BCKDHB: variants seen among roughly 807,000 people sequenced by gnomAD.
BCKDHB encodes 2-oxoisovalerate dehydrogenase subunit beta, mitochondrial.
In BCKDHB, 41 loss-of-function variants were observed where a neutral mutation model predicts 48.5. The observed-to-expected ratio is 0.85, with a 90% CI of 0.66 to 1.10. BCKDHB has a LOEUF of 1.10. Among genes scored for constraint, BCKDHB ranks in the 50% least tolerant of loss-of-function variants. The pLI is 0.00. For missense variants in BCKDHB, 496 were observed against 494.2 expected, an observed-to-expected ratio of 1.00 and a Z score of -0.03; for synonymous variants, 201 against 174.8, an observed-to-expected ratio of 1.15 and a Z score of -1.18.
intron 3 of BCKDHB, among the ~76,000 whole-genome samples, chr6:80,131,951 T>G (rs1418051496): frequency 6.6e-6 from 1 of 152,168 alleles, no homozygotes; most frequent in Admixed American, 6.6e-5. Context: ...ACCAAAGACT[T>G]TGAGAACTAC....
the BCKDHB span, among the ~76,000 whole-genome samples, chr6:80,433,671 G>C: frequency 6.6e-6 from 1 of 152,024 alleles, no homozygotes; most frequent in Non-Finnish European, 1.5e-5. Flanking sequence ...GAGAGTGAAG[G>C]GTTCTGTCTC....
At chr6:80,162,105 G>A (rs1214793143) in intron 3 of BCKDHB, among the ~76,000 whole-genome samples, 3 of 152,144 alleles carry the variant, frequency 2.0e-5, no homozygotes, top group Non-Finnish European at 2.9e-5. Flanking sequence ...TCAAGGCTGG[G>A]AAGTTCCGGG....
intron 3 of BCKDHB, among the ~76,000 whole-genome samples, chr6:80,141,260 G>A (rs1357645047): frequency 4.0e-5 from 6 of 151,836 alleles, no homozygotes; most frequent in Non-Finnish European, 2.9e-5. Flanking sequence ...ACCAGCTCCT[G>A]GATTCATTAA....
At chr6:80,435,136 T>C in the BCKDHB span, among the ~76,000 whole-genome samples, 1 of 152,210 alleles carries the variant, frequency 6.6e-6, no homozygotes, top group African/African-American at 2.4e-5. Context: ...ATCTCATTTA[T>C]TTATCTATCC....
intron 9 of BCKDHB, among the ~76,000 whole-genome samples, chr6:80,318,737 C>G (rs1768568147): frequency 1.4e-5 from 2 of 146,112 alleles, no homozygotes; most frequent in Non-Finnish European, 3.0e-5. Flanking sequence ...TTGTACTGAA[C>G]ATGTACAGAC....
At chr6:80,264,651 T>C (rs1220624887) in intron 8 of BCKDHB, among the ~76,000 whole-genome samples, 1 of 151,912 alleles carries the variant, frequency 6.6e-6, no homozygotes, top group Non-Finnish European at 1.5e-5. Context: ...GTCAGGAAAA[T>C]TTTTCCCTGT....
chr6:80,130,256 G>A (rs1770562240), intron 3 of BCKDHB, among the ~76,000 whole-genome samples: 1 of 152,308 alleles, frequency 6.6e-6, no homozygotes, highest in South Asian at 2.1e-4. Flanking sequence ...GTTCACGTGA[G>A]GGCTGGCAGG....
chr6:80,424,461 A>T, the BCKDHB span, among the ~76,000 whole-genome samples: 1 of 152,194 alleles, frequency 6.6e-6, no homozygotes. Context: ...AACCCAGATT[A>T]ATGCAACTAC....
intron 1 of BCKDHB, among the ~76,000 whole-genome samples, chr6:80,122,969 T>TC (rs371123317): frequency 8.8e-3 from 359 of 40,712 alleles, no homozygotes; most frequent in Non-Finnish European, 0.015. Flanking sequence ...CTTCCCCCCC[T>TC]CCCCCCCGGC....
chr6:80,349,510 A>G (rs529947994), downstream of BCKDHB, among the ~76,000 whole-genome samples: 5 of 152,352 alleles, frequency 3.3e-5, no homozygotes, highest in East Asian at 1.9e-4. Flanking sequence ...CCTAATTAAT[A>G]AGAAAGAACT....
the BCKDHB span, among the ~76,000 whole-genome samples, chr6:80,409,294 T>A: frequency 6.6e-6 from 1 of 151,938 alleles, no homozygotes; most frequent in South Asian, 2.1e-4. Context: ...GTGTTTTACT[T>A]TCAATTATGT....
At chr6:80,334,039 C>T (rs1769447407) in intron 9 of BCKDHB, among the ~76,000 whole-genome samples, 2 of 152,144 alleles carry the variant, frequency 1.3e-5, no homozygotes, top group Middle Eastern at 3.4e-3. Flanking sequence ...AAAAAGGAGG[C>T]ATGTGTATTT....
At chr6:80,377,762 G>A in the BCKDHB span, among the ~76,000 whole-genome samples, 11 of 152,296 alleles carry the variant, frequency 7.2e-5, no homozygotes, top group South Asian at 2.3e-3. Context: ...ATACAGCAGT[G>A]TAATTTCTCC....
chr6:80,391,011 G>A, the BCKDHB span, among the ~76,000 whole-genome samples: 1 of 152,246 alleles, frequency 6.6e-6, no homozygotes. Flanking sequence ...CATGCTGGAT[G>A]CTTCCTGCCC....
At chr6:80,112,765 T>C (rs543099271) in intron 1 of BCKDHB, among the ~76,000 whole-genome samples, 2 of 152,306 alleles carry the variant, frequency 1.3e-5, no homozygotes, top group South Asian at 4.1e-4. Context: ...CCCCGGGGTG[T>C]TCCCCTTTGG....
the BCKDHB span, among the ~76,000 whole-genome samples, chr6:80,383,912 G>C: frequency 0.91 from 139,079 of 152,172 alleles, 64,850 homozygotes; most frequent in East Asian, 1. Flanking sequence ...TAAGAAAATA[G>C]ATATTAAACA....
intron 9 of BCKDHB, among the ~76,000 whole-genome samples, chr6:80,294,650 T>C (rs988607485): frequency 4.6e-5 from 7 of 152,178 alleles, no homozygotes; most frequent in African/African-American, 1.7e-4. Flanking sequence ...TCTTATGTGC[T>C]TGAGATAAGG....
chr6:80,343,932 G>T lies in BCKDHB; in HGVS notation c.*128G>T, dbSNP rs556650053. 29 of 1,157,190 alleles carry T rather than the reference G, an allele frequency of 2.5e-5. No individual in the cohort carries two copies. In the East Asian group the frequency reaches 6.4e-4, roughly 26 times the overall value. 71.7% of individuals were successfully genotyped at this position (1,157,190 alleles called of 1,614,324 possible). On this transcript the variant is annotated 3_prime_UTR_variant, in exon 10 of 10. Coordinates refer to ENST00000320393, the MANE Select transcript of BCKDHB (RefSeq NM_183050.4). ...ACTTTGATGGTAAAGTTGGTAAAAG[G>T]CAACTTTCAGAAGAAAATAATGTGC...
intron 8 of BCKDHB, among the ~76,000 whole-genome samples, chr6:80,222,879 A>G (rs1775524103): frequency 6.6e-6 from 1 of 152,168 alleles, no homozygotes; most frequent in South Asian, 2.1e-4. Context: ...CCTTAATCAT[A>G]TCCCATCAAC....
Sources: allele counts gnomAD v4.1 joint callset (sites outside exome capture counted in the v4.1 genomes callset), GRCh38; gene constraint gnomAD v4.1.1; transcripts MANE v1.5; gene names NCBI Gene and HGNC (gene_info 2026-07-23, HGNC 2026-07-21).